EPHA6: variants seen among roughly 807,000 people sequenced by gnomAD.
EPHA6 encodes ephrin type-A receptor 6.
In EPHA6, 50 loss-of-function variants were observed where a neutral mutation model predicts 112.0. The observed-to-expected ratio is 0.45, with a 90% CI of 0.36 to 0.56. The LOEUF (loss-of-function observed/expected upper bound fraction) is 0.56. Among genes scored for constraint, EPHA6 ranks in the 20% least tolerant of loss-of-function variants. EPHA6 has a pLI of 0.00. For missense variants in EPHA6, 1,280 were observed against 1,417.4 expected (o/e 0.90, Z 1.56); for synonymous variants, 529 against 490.7 (o/e 1.08, Z -1.03).
intron 1 of EPHA6, among the ~76,000 whole-genome samples, chr3:96,859,223 G>T (rs1040296081): frequency 6.6e-6 from 1 of 151,924 alleles, no homozygotes; most frequent in African/African-American, 2.4e-5. Flanking sequence ...TCTTGATTTG[G>T]CTGTAATGTC....
At chr3:97,105,477 G>A (rs576303823) in intron 3 of EPHA6, among the ~76,000 whole-genome samples, 1 of 152,184 alleles carries the variant, frequency 6.6e-6, no homozygotes, top group African/African-American at 2.4e-5. Context: ...AATTGTTTAA[G>A]TCTTGATTTC....
chr3:97,095,709 G>A (rs2047216215), intron 3 of EPHA6, among the ~76,000 whole-genome samples: 1 of 151,712 alleles, frequency 6.6e-6, no homozygotes, highest in South Asian at 2.1e-4. Flanking sequence ...TATCCTTAGA[G>A]CAGTAGTTCA....
intron 2 of EPHA6, among the ~76,000 whole-genome samples, chr3:96,902,452 C>T (rs1157275042): frequency 6.6e-6 from 1 of 152,076 alleles, no homozygotes; most frequent in Non-Finnish European, 1.5e-5. Flanking sequence ...GACCCAGAGC[C>T]CTATTATGGC....
chr3:97,323,993 A>T (rs1409600303), intron 5 of EPHA6, among the ~76,000 whole-genome samples: 1 of 151,982 alleles, frequency 6.6e-6, no homozygotes, highest in African/African-American at 2.4e-5. Flanking sequence ...TTAAAAAAAA[A>T]ATGCAGCTTC....
At chr3:97,083,858 T>A (rs932890257) in intron 3 of EPHA6, among the ~76,000 whole-genome samples, 1 of 151,414 alleles carries the variant, frequency 6.6e-6, no homozygotes, top group Middle Eastern at 3.2e-3. Flanking sequence ...GAAAAATGGG[T>A]AAATGAGGTT....
chr3:97,010,104 A>C (rs1394669434), intron 3 of EPHA6: 1 of 1,273,540 alleles, frequency 7.9e-7, no homozygotes, highest in Non-Finnish European at 1.0e-6. Flanking sequence ...AGCATTACTA[A>C]AATATTAAAC....
At chr3:97,242,393 C>T (rs2078872734) in intron 4 of EPHA6, among the ~76,000 whole-genome samples, 2 of 151,846 alleles carry the variant, frequency 1.3e-5, no homozygotes, top group Admixed American at 1.3e-4. Flanking sequence ...CACCCCTCTG[C>T]ATATTCTCCT....
At chr3:97,247,944 C>T (rs1002034141) in intron 5 of EPHA6, among the ~76,000 whole-genome samples, 2 of 151,816 alleles carry the variant, frequency 1.3e-5, no homozygotes, top group African/African-American at 4.8e-5. Context: ...ACATGAAGAT[C>T]GATATGAAAT....
chr3:97,706,429 C>T (rs528580464), intron 14 of EPHA6, among the ~76,000 whole-genome samples: 10 of 152,232 alleles, frequency 6.6e-5, no homozygotes, highest in South Asian at 4.1e-4. Flanking sequence ...TGTAGGAATG[C>T]GTTTCTAGTG....
chr3:97,272,260 A>T (rs2079907613), intron 5 of EPHA6, among the ~76,000 whole-genome samples: 1 of 152,006 alleles, frequency 6.6e-6, no homozygotes. Flanking sequence ...TAATGGCAGC[A>T]TCTCTTTCTT....
intron 2 of EPHA6, among the ~76,000 whole-genome samples, chr3:96,972,575 G>A (rs908299761): frequency 6.6e-6 from 1 of 151,972 alleles, no homozygotes; most frequent in Admixed American, 6.6e-5. Context: ...TTTAAGATTG[G>A]TTTTAACTGA....
intron 5 of EPHA6, among the ~76,000 whole-genome samples, chr3:97,272,270 T>C (rs2079908192): frequency 6.6e-6 from 1 of 152,038 alleles, no homozygotes; most frequent in East Asian, 1.9e-4. Context: ...ATCTCTTTCT[T>C]TTTAAAGGCT....
intron 2 of EPHA6, among the ~76,000 whole-genome samples, chr3:96,966,842 A>G (rs928650457): frequency 1.3e-5 from 2 of 152,004 alleles, no homozygotes; most frequent in African/African-American, 4.8e-5. Flanking sequence ...CTTATAAACT[A>G]TTGCATTTAC....
At chr3:97,201,027 A>C in intron 3 of EPHA6, among the ~76,000 whole-genome samples, 1 of 152,206 alleles carries the variant, frequency 6.6e-6, no homozygotes, top group Non-Finnish European at 1.5e-5. Context: ...ATGAAACTGC[A>C]TATTAGAAAA....
intron 2 of EPHA6, among the ~76,000 whole-genome samples, chr3:96,944,398 A>T (rs1386598802): frequency 2.6e-5 from 4 of 151,418 alleles, no homozygotes; most frequent in African/African-American, 9.7e-5. Context: ...AAGTATTATC[A>T]TATATGGTCC....
In EPHA6 at chr3:97,539,906, G is replaced by T. The variant is rs112599442; in HGVS notation, c.2386+7363G>T. On this transcript the variant is annotated intron_variant, in intron 11 of 17. Transcript: ENST00000389672. ...AAGAATGTGAAAGAAAGCTGACCAG[G>T]AAATAATAGAAAGATTGAGGACATC... 3.1e-3 allele frequency among the ~76,000 whole-genome samples: 479 copies of T among 152,244 alleles called. 3 individuals carry two copies. The highest frequency in any genetic ancestry group is 0.011 in the African/African-American group (464 of 41,568).
intron 10 of EPHA6, among the ~76,000 whole-genome samples, chr3:97,502,224 A>G (rs1036496816): frequency 1.4e-5 from 2 of 142,926 alleles, no homozygotes; most frequent in Non-Finnish European, 3.0e-5. Flanking sequence ...GCTGGAGTGC[A>G]ATGGTGCAAT....
chr3:97,213,497 G>A (rs78294501), intron 3 of EPHA6, among the ~76,000 whole-genome samples: 2,354 of 152,282 alleles, frequency 0.015, 75 homozygotes, highest in African/African-American at 0.054. Flanking sequence ...TTCTCTCTGA[G>A]CATTATGAGT....
intron 4 of EPHA6, 89 bp downstream of exon 4, chr3:97,226,508 A>T: frequency 8.1e-7 from 1 of 1,235,304 alleles, no homozygotes; most frequent in Non-Finnish European, 1.1e-6. Flanking sequence ...AAATGTACAA[A>T]ATCTTGCATT....
Sources: allele counts gnomAD v4.1 joint callset (sites outside exome capture counted in the v4.1 genomes callset), GRCh38; gene constraint gnomAD v4.1.1; transcripts MANE v1.5; gene names NCBI Gene and HGNC (gene_info 2026-07-23, HGNC 2026-07-21).